Variants in MEF2C observed in about 807,000 individuals in gnomAD.
MEF2C encodes the protein myocyte enhancer factor 2C.
A neutral mutation model predicts 50.5 loss-of-function variants in MEF2C; 6 were observed. The ratio of observed to expected loss-of-function variants is 0.12; its 90% confidence interval spans 0.07 to 0.23. The LOEUF (loss-of-function observed/expected upper bound fraction) is 0.23. MEF2C is among the 10% of genes least tolerant of loss of function. The pLI, the probability that MEF2C is intolerant of heterozygous loss-of-function variation, is 1.00. For missense variants in MEF2C, 276 were observed against 605.0 expected (o/e 0.46, Z 5.70); for synonymous variants, 183 against 228.0 (o/e 0.80, Z 1.78).
chr5:88,858,583 C>T (rs1824341786), intron 1 of MEF2C, among the ~76,000 whole-genome samples: 1 of 152,140 alleles, frequency 6.6e-6, no homozygotes, highest in Non-Finnish European at 1.5e-5. Flanking sequence ...TTCTGGGACC[C>T]ACCCACCTAT....
At chr5:88,807,631 T>C (rs1367667392) in intron 2 of MEF2C, among the ~76,000 whole-genome samples, 3 of 152,300 alleles carry the variant, frequency 2.0e-5, no homozygotes, top group East Asian at 3.9e-4. Context: ...TATCCAATAA[T>C]GTGTGTATAG....
At chr5:88,723,057 T>G in intron 10 of MEF2C, 132 bp from the exon 11 acceptor site, 1 of 814,256 alleles carries the variant, frequency 1.2e-6, no homozygotes, top group Non-Finnish European at 1.9e-6. Context: ...AAAACGTGCT[T>G]GGAAGCACAT....
At chr5:88,891,582 T>C (rs1287658222) in intron 1 of MEF2C, among the ~76,000 whole-genome samples, 3 of 151,976 alleles carry the variant, frequency 2.0e-5, no homozygotes, top group East Asian at 1.9e-4. Context: ...TTTTCTTTTT[T>C]TGTATTTTTA....
intron 3 of MEF2C, chr5:88,766,617 AT>A: frequency 1.0e-6 from 1 of 984,550 alleles, no homozygotes; most frequent in Middle Eastern, 5.2e-4. Flanking sequence ...AAGAATGTAT[AT>A]TTTCATCATC....
chr5:88,744,433 G>A (rs531128744), intron 6 of MEF2C, among the ~76,000 whole-genome samples: 1 of 152,246 alleles, frequency 6.6e-6, no homozygotes, highest in East Asian at 1.9e-4. Flanking sequence ...TGCACCTGTA[G>A]TCCCAGCTAC....
intron 3 of MEF2C, among the ~76,000 whole-genome samples, chr5:88,778,847 C>T (rs938011836): frequency 6.6e-6 from 1 of 152,216 alleles, no homozygotes; most frequent in Non-Finnish European, 1.5e-5. Context: ...ACCACAAACA[C>T]TTGGGTTTTG....
chr5:88,760,426 C>T (rs1479420888), intron 4 of MEF2C, among the ~76,000 whole-genome samples: 1 of 152,170 alleles, frequency 6.6e-6, no homozygotes, highest in Non-Finnish European at 1.5e-5. Context: ...TGAAATCTTA[C>T]CATTAGGTTT....
At chr5:88,874,821 T>G (rs1284339437) in intron 1 of MEF2C, among the ~76,000 whole-genome samples, 1 of 151,984 alleles carries the variant, frequency 6.6e-6, no homozygotes, top group Non-Finnish European at 1.5e-5. Flanking sequence ...ACTATTCATA[T>G]ACTGTTAAAT....
chr5:88,889,929 A>G (rs1008697680), intron 1 of MEF2C, among the ~76,000 whole-genome samples: 1 of 152,182 alleles, frequency 6.6e-6, no homozygotes, highest in African/African-American at 2.4e-5. Flanking sequence ...CACACGGTCC[A>G]CGTCTGGTGA....
chr5:88,722,756 A>C lies in MEF2C; in HGVS notation c.1270T>G (p.Leu424Val), dbSNP rs779688828. ...HEAGRSPVDS[L>V]SSCSSSYDGS... is the part of the protein sequence containing the mutation. The stretch of plus-strand genomic sequence containing the variant: ...TCGTACGAACTGCTACAGCTGCTCA[A>C]GCTGTCAACAGGAGATCTCCCCGCC... Residue 424 changes from leucine to valine, a missense_variant, in exon 11 of 11, where the codon TTG (leucine) becomes GTG (valine). Leu to Val is a conservative substitution (Grantham distance 32, BLOSUM62 1). This residue lies in a region of MEF2C where 256 missense variants were observed against 468.1 expected (regional missense o/e 0.55). Transcript: ENST00000504921. The C allele has an allele frequency of 1.9e-6, 3 of 1,614,000 alleles. No homozygotes were observed. Among genetic ancestry groups the C allele is most frequent in the Non-Finnish European group, 2.5e-6 (3 of 1,179,894 alleles).
At chr5:88,734,198 A>G in intron 6 of MEF2C, 4 of 985,268 alleles carry the variant, frequency 4.1e-6, no homozygotes, top group Non-Finnish European at 3.6e-6. Flanking sequence ...GAATAAGAAC[A>G]TCAAGGTCAA....
intron 1 of MEF2C, among the ~76,000 whole-genome samples, chr5:88,901,545 A>G (rs1835650119): frequency 1.3e-5 from 2 of 149,782 alleles, no homozygotes; most frequent in Non-Finnish European, 3.0e-5. Flanking sequence ...CAGGAAAACA[A>G]TTTTTCTCCA....
At chr5:88,778,227 A>G (rs1021201633) in intron 3 of MEF2C, among the ~76,000 whole-genome samples, 18 of 152,040 alleles carry the variant, frequency 1.2e-4, no homozygotes, top group African/African-American at 4.3e-4. Flanking sequence ...TTCAACTCCT[A>G]ACATTCCTAA....
rs1019776337 is a variant in MEF2C at position 88,854,331 on chromosome 5, A to G, written c.-143+28624T>C. On this transcript the variant is annotated intron_variant, in intron 1 of 10. Transcript: ENST00000504921. ...TTTGTTAGTTGAGAGATTAGAAATC[A>G]ATCAGGAAGTATATCCTGAATAGAA... Among the ~76,000 whole-genome samples, 3 of 152,246 alleles carry G rather than the reference A, an allele frequency of 2.0e-5. No individual in the cohort carries two copies. The South Asian group carries it at 6.2e-4, about 31-fold the overall frequency.
At chr5:88,845,318 G>A (rs1818911492) in intron 1 of MEF2C, among the ~76,000 whole-genome samples, 1 of 152,084 alleles carries the variant, frequency 6.6e-6, no homozygotes, top group Non-Finnish European at 1.5e-5. Flanking sequence ...TCCACATTAT[G>A]GAAAAAACTC....
intron 3 of MEF2C, chr5:88,771,647 G>T (rs1423031907): frequency 3.1e-6 from 3 of 976,400 alleles, no homozygotes; most frequent in Non-Finnish European, 3.7e-6. Context: ...CTCAGTTATG[G>T]TTCACTGGAT....
At chr5:88,741,794 A>G (rs879310482) in intron 6 of MEF2C, 94 of 985,048 alleles carry the variant, frequency 9.5e-5, no homozygotes, top group Non-Finnish European at 1.1e-4. Context: ...CATAATGTCT[A>G]GTAAAATAGA....
intron 7 of MEF2C, 151 bp downstream of exon 7, chr5:88,731,578 T>C (rs1581388687): frequency 1.5e-6 from 1 of 680,668 alleles, no homozygotes; most frequent in Non-Finnish European, 2.5e-6. Flanking sequence ...CCAGAAATAA[T>C]AGCTAAATAC....
rs1755829600 is a variant in MEF2C, at chr5:88,720,206, TC to T, written c.*2397del. Reference sequence around the variant, plus strand: ...GAGGAAAATGATTTTCTTATTTTATTCCCCTGTGCGTGTGTGTGTATGAGTG... The same window carrying T: ...GAGGAAAATGATTTTCTTATTTTATTCCCTGTGCGTGTGTGTGTATGAGTG... On this transcript the variant is annotated 3_prime_UTR_variant, in exon 11 of 11. Transcript: ENST00000504921. The T allele has an allele frequency of 6.6e-6, 1 of 152,088 alleles. No homozygotes were observed. 9.4% of individuals were successfully genotyped at this position (152,088 alleles called of 1,614,324 possible).
Sources: allele counts gnomAD v4.1 joint callset (sites outside exome capture counted in the v4.1 genomes callset), GRCh38; gene constraint gnomAD v4.1.1; regional missense constraint gnomAD v4.1.1; transcripts MANE v1.5; gene names NCBI Gene and HGNC (gene_info 2026-07-23, HGNC 2026-07-21).